Variants in PCDHGB4 observed in about 807,000 individuals in gnomAD.
PCDHGB4 encodes the protein protocadherin gamma subfamily B, 4, also known as protocadherin gamma-B4.
Under a neutral mutation model 60.5 loss-of-function variants are expected in PCDHGB4, and 38 were observed. The observed-to-expected ratio is 0.63, with a 90% CI of 0.48 to 0.82. PCDHGB4 has a LOEUF of 0.82. Ranked by LOEUF, PCDHGB4 falls within the 40% of genes least tolerant of loss-of-function variation. The pLI is 0.00. For synonymous variants in PCDHGB4, 456 were observed against 509.7 expected (o/e 0.89, Z 1.42); for missense variants, 1,109 against 1,209.6 (o/e 0.92, Z 1.23).
intron 1 of PCDHGB4, among the ~76,000 whole-genome samples, chr5:141,481,161 A>G (rs2099532805): frequency 6.6e-6 from 1 of 152,230 alleles, no homozygotes; most frequent in African/African-American, 2.4e-5. Flanking sequence ...GTATTTGCAG[A>G]ACCAGAATCC....
chr5:141,421,473 C>T (rs907282414), intron 1 of PCDHGB4: 10 of 1,613,994 alleles, frequency 6.2e-6, no homozygotes, highest in Middle Eastern at 1.6e-4. Context: ...ATCCGCGAAG[C>T]GGCAGCTTGA....
chr5:141,460,505 A>T (rs1430823912), intron 1 of PCDHGB4, among the ~76,000 whole-genome samples: 1 of 152,150 alleles, frequency 6.6e-6, no homozygotes, highest in Non-Finnish European at 1.5e-5. Context: ...ATATGCTGAG[A>T]AGGCTATCTT....
chr5:141,427,546 C>T (rs779995777), intron 1 of PCDHGB4: 1 of 639,564 alleles, frequency 1.6e-6, no homozygotes, highest in South Asian at 1.5e-5. Context: ...GTCACCATCA[C>T]TGCCACTGAC....
intron 1 of PCDHGB4, chr5:141,404,622 A>G (rs1182540384): frequency 9.9e-6 from 16 of 1,614,156 alleles, no homozygotes; most frequent in Non-Finnish European, 1.4e-5. Flanking sequence ...GACCAGAATG[A>G]CAATGCCCCA....
intron 1 of PCDHGB4, among the ~76,000 whole-genome samples, chr5:141,451,067 A>G (rs948528671): frequency 6.6e-6 from 1 of 151,848 alleles, no homozygotes; most frequent in African/African-American, 2.4e-5. Flanking sequence ...TGACCTTGTG[A>G]TCCACCCACC....
intron 1 of PCDHGB4, chr5:141,417,186 C>A (rs2154546857): frequency 6.6e-6 from 1 of 152,258 alleles, no homozygotes; most frequent in Admixed American, 6.5e-5. Context: ...GGAATTATTA[C>A]TTTCTGGGTG....
rs149806642 is a variant in PCDHGB4 at position 141,502,449 on chromosome 5, A to T, written c.2457-2944A>T. 7.7e-3 allele frequency among the ~76,000 whole-genome samples: 1,166 copies of T among 151,886 alleles called. 15 individuals carry two copies. The highest frequency in any genetic ancestry group is 0.027 in the African/African-American group (1,103 of 41,308). On this transcript the variant is annotated intron_variant, in intron 2 of 3. Coordinates refer to ENST00000519479, the MANE Select transcript of PCDHGB4 (RefSeq NM_003736.4). The stretch of plus-strand genomic sequence containing the variant: ...TCTGATGGTTAGATTCAGATTACAC[A>T]CCTTGGTAGGAATACTTCCCGCAGC...
At position 141,493,482 on chromosome 5, in the gene PCDHGB4, G is replaced by A. The variant is rs184736387; in HGVS notation, c.2398-1325G>A. ...TTTTAGGACCTTACATGTGGGGAAA[G>A]TCTTCTGTGGCTCCTCATTTCTGAG... On this transcript the variant is annotated intron_variant, in intron 1 of 3. Coordinates refer to ENST00000519479, the MANE Select transcript of PCDHGB4 (RefSeq NM_003736.4). This position sits in a 1 kb window ranked among gnomAD's most constrained non-coding sequence, Gnocchi z 4.3. Among the ~76,000 whole-genome samples the A allele has an allele frequency of 1.5e-3, 229 of 152,324 alleles. No homozygotes were observed. Among genetic ancestry groups the A allele is most frequent in the Non-Finnish European group, 2.2e-3 (147 of 68,030 alleles).
rs561329093 is a variant in PCDHGB4 at position 141,509,163 on chromosome 5, C to A, written c.2546-1784C>A. Among the ~76,000 whole-genome samples the A allele has an allele frequency of 1.4e-4, 21 of 152,322 alleles. No individual in the cohort carries two copies. In the South Asian group the frequency reaches 4.1e-3, roughly 30 times the overall value. On this transcript the variant is annotated intron_variant, in intron 3 of 3. Coordinates refer to ENST00000519479, the MANE Select transcript of PCDHGB4 (RefSeq NM_003736.4). ...CATCCCGGCTCTCCCCTCCCGTGTG[C>A]CCTCCTCCTCTTATGCCGGCTTGAA...
At chr5:141,433,205 TTTC>T in intron 1 of PCDHGB4, 1 of 1,573,264 alleles carries the variant, frequency 6.4e-7, no homozygotes, top group Non-Finnish European at 8.6e-7. Context: ...TCAAATCTTC[TTTC>T]TTTTTTTTTT....
chr5:141,390,103 A>G lies in PCDHGB4; in HGVS notation c.2219A>G (p.Asn740Ser), dbSNP rs757288667. The G allele has an allele frequency of 1.2e-6, 2 of 1,613,996 alleles. No homozygotes were observed. Among genetic ancestry groups the G allele is most frequent in the South Asian group, 1.1e-5 (1 of 91,080 alleles). Residue 740 changes from asparagine to serine, a missense_variant, in exon 1 of 4, where the codon AAC becomes AGC. This residue lies in a region of PCDHGB4 where 1,068 missense variants were observed against 1,089.9 expected (regional missense o/e 0.98). Transcript: ENST00000519479. ...AAATCCGAATCCGTGGTTCCCCCCA[A>G]CTACAGCGAGGGGACTTTGCCTTAT... ...CVKSESVVPP[N>S]YSEGTLPYSY... is the part of the protein sequence containing the mutation.
intron 1 of PCDHGB4, chr5:141,415,782 T>C: frequency 7.4e-7 from 1 of 1,356,228 alleles, no homozygotes. Context: ...TACTTTCTGG[T>C]AAAATTCACC....
chr5:141,408,965 C>T lies in PCDHGB4; in HGVS notation c.2397+18684C>T, dbSNP rs767484272. The T allele has an allele frequency of 1.5e-5, 25 of 1,613,688 alleles. No homozygotes were observed. The Admixed American group carries it at 4.2e-4, about 27-fold the overall frequency. On this transcript the variant is annotated intron_variant, in intron 1 of 3. Transcript: ENST00000519479. ...ATATAGAATTAGTCTTAGTGAAAATCTGCCCCCTGGGTCCCCTGTGTTGCA... is the reference window on the plus strand; with the variant it reads ...ATATAGAATTAGTCTTAGTGAAAATTTGCCCCCTGGGTCCCCTGTGTTGCA...
intron 1 of PCDHGB4, among the ~76,000 whole-genome samples, chr5:141,437,431 A>G (rs1282194918): frequency 6.6e-6 from 1 of 152,234 alleles, no homozygotes; most frequent in African/African-American, 2.4e-5. Flanking sequence ...TGAAGCAGCA[A>G]TAGCATAGGA....
At position 141,393,000 on chromosome 5, in the gene PCDHGB4, G is replaced by A. The variant is rs772046833; in HGVS notation, c.2397+2719G>A. The stretch of plus-strand genomic sequence containing the variant: ...GGACCCCCGGAAGCTGGCGAAGCAC[G>A]GAGTCCGTATCGTCTCCAGAGGTAG... On this transcript the variant is annotated intron_variant, in intron 1 of 3. Transcript: ENST00000519479. The A allele has an allele frequency of 2.5e-6, 4 of 1,613,856 alleles. No individual in the cohort carries two copies. In the South Asian group the frequency reaches 4.4e-5, roughly 18 times the overall value.
intron 2 of PCDHGB4, among the ~76,000 whole-genome samples, chr5:141,498,112 AG>A (rs947089103): frequency 2.0e-5 from 3 of 152,232 alleles, no homozygotes; most frequent in African/African-American, 7.2e-5. Flanking sequence ...GGCGTATAAT[AG>A]GGATTTGATT....
At chr5:141,418,489 G>C (rs774653264) in intron 1 of PCDHGB4, 26 of 1,613,874 alleles carry the variant, frequency 1.6e-5, no homozygotes, top group Admixed American at 1.5e-4. Context: ...CTCACCACTT[G>C]GTACTGACCG....
chr5:141,423,759 G>GGC, intron 1 of PCDHGB4: 9 of 321,042 alleles, frequency 2.8e-5, no homozygotes, highest in Non-Finnish European at 3.6e-5. Context: ...TTGGGGGGGG[G>GGC]GTGGGGCGGC....
chr5:141,431,879 C>T lies in PCDHGB4; in HGVS notation c.2397+41598C>T. 1 of 1,614,162 alleles carries T rather than the reference C, an allele frequency of 6.2e-7. No individual in the cohort carries two copies. The highest frequency in any genetic ancestry group is 8.5e-7 in the Non-Finnish European group (1 of 1,179,970). ...AATTGCCCTTTTAAATGTAAATGAC[C>T]AAGATTCTGAGGAAAACGGACAGGT... On this transcript the variant is annotated intron_variant, in intron 1 of 3. Coordinates refer to ENST00000519479, the MANE Select transcript of PCDHGB4 (RefSeq NM_003736.4). The surrounding 1 kb of genome is among the most constrained non-coding windows in gnomAD (Gnocchi z 4.8).
Sources: allele counts gnomAD v4.1 joint callset (sites outside exome capture counted in the v4.1 genomes callset), GRCh38; gene constraint gnomAD v4.1.1; regional missense constraint gnomAD v4.1.1; non-coding constraint Gnocchi (gnomAD v3.1); transcripts MANE v1.5; gene names NCBI Gene and HGNC (gene_info 2026-07-23, HGNC 2026-07-21).